Variants in FGF12 observed in about 807,000 individuals in gnomAD.
The protein encoded by FGF12 is fibroblast growth factor 12B.
In FGF12, 14 loss-of-function variants were observed where a neutral mutation model predicts 23.6. The observed-to-expected ratio is 0.59, with a 90% CI of 0.39 to 0.93. The LOEUF is 0.93. Ranked by LOEUF, FGF12 falls within the 40% of genes least tolerant of loss-of-function variation. The pLI is 0.00. For missense variants in FGF12, 175 were observed against 217.8 expected, an observed-to-expected ratio of 0.80 and a Z score of 1.24; for synonymous variants, 62 against 77.3, an observed-to-expected ratio of 0.80 and a Z score of 1.04.
At chr3:192,693,920 A>G (rs1431288288) in intron 2 of FGF12, among the ~76,000 whole-genome samples, 1 of 152,192 alleles carries the variant, frequency 6.6e-6, no homozygotes, top group Non-Finnish European at 1.5e-5. Flanking sequence ...ACATTAAACA[A>G]AAAAATTTCT....
chr3:192,651,785 C>T (rs1160298125), intron 2 of FGF12, among the ~76,000 whole-genome samples: 1 of 152,148 alleles, frequency 6.6e-6, no homozygotes, highest in Admixed American at 6.5e-5. Flanking sequence ...CTTTGAAACA[C>T]CGCTGAGAGT....
rs751150448 is a variant in FGF12 at position 192,158,346 on chromosome 3, CT to C, written c.427+12111del. Among the ~76,000 whole-genome samples, 33 of 93,400 alleles carry C rather than the reference CT, an allele frequency of 3.5e-4. 1 individual carries two copies. The highest frequency in any genetic ancestry group is 1.2e-3 in the East Asian group (4 of 3,374). 61.3% of individuals were successfully genotyped at this position (93,400 alleles called of 152,430 possible). ...TTTCTTTCTTTCTCTTTCTTTCTTT[CT>C]TTCTTTCTTTCTTTCTTTCTTTCTT... On this transcript the variant is annotated intron_variant, in intron 5 of 5. Transcript: ENST00000445105.
chr3:192,372,398 C>A (rs568130727), intron 2 of FGF12, among the ~76,000 whole-genome samples: 1 of 123,462 alleles, frequency 8.1e-6, no homozygotes, highest in African/African-American at 3.8e-5. Context: ...CCATCACACA[C>A]ACACACACAC....
chr3:192,618,979 C>T (rs1246948332), intron 2 of FGF12, among the ~76,000 whole-genome samples: 2 of 151,122 alleles, frequency 1.3e-5, no homozygotes, highest in Non-Finnish European at 2.9e-5. Context: ...TTAAAATAAG[C>T]CTATAAAAAA....
chr3:192,300,229 G>A (rs763835895), intron 4 of FGF12, among the ~76,000 whole-genome samples: 1 of 152,158 alleles, frequency 6.6e-6, no homozygotes, highest in Non-Finnish European at 1.5e-5. Context: ...TCCTCCCAGA[G>A]CTAGCCACCA....
intron 3 of FGF12, among the ~76,000 whole-genome samples, chr3:192,346,916 T>C (rs986322128): frequency 2.6e-5 from 4 of 152,126 alleles, no homozygotes; most frequent in Non-Finnish European, 5.9e-5. Flanking sequence ...TTAAAATCAA[T>C]ATCTTATTGT....
chr3:192,534,545 G>A (rs1333205595), intron 2 of FGF12, among the ~76,000 whole-genome samples: 1 of 152,046 alleles, frequency 6.6e-6, no homozygotes, highest in African/African-American at 2.4e-5. Flanking sequence ...ATAGGTGCAT[G>A]CCACCACACC....
intron 3 of FGF12, among the ~76,000 whole-genome samples, chr3:192,345,586 C>T (rs1717916908): frequency 1.1e-5 from 1 of 92,156 alleles, no homozygotes. Context: ...ACTCGGGAGG[C>T]TGAGGCAGGG....
intron 2 of FGF12, among the ~76,000 whole-genome samples, chr3:192,471,372 T>C (rs577631194): frequency 2.0e-5 from 3 of 152,342 alleles, no homozygotes; most frequent in African/African-American, 7.2e-5. Context: ...AAATTATTTG[T>C]AATCATAATA....
chr3:192,146,006 T>C (rs544914757), intron 5 of FGF12, among the ~76,000 whole-genome samples: 1 of 152,276 alleles, frequency 6.6e-6, no homozygotes, highest in African/African-American at 2.4e-5. Context: ...AACTGCTCAA[T>C]GCACAGGGGA....
At chr3:192,165,037 C>T (rs188731767) in intron 5 of FGF12, among the ~76,000 whole-genome samples, 176 of 151,998 alleles carry the variant, frequency 1.2e-3, no homozygotes, top group African/African-American at 4.1e-3. Flanking sequence ...TGGCAAACTC[C>T]GACTCCCTGG....
intron 2 of FGF12, among the ~76,000 whole-genome samples, chr3:192,656,040 CAAAAAAAA>C (rs11292484): frequency 4.7e-5 from 5 of 106,576 alleles, no homozygotes; most frequent in African/African-American, 1.1e-4. Flanking sequence ...GAGGTTCAGG[CAAAAAAAA>C]AAAAAAAAAA....
chr3:192,651,643 A>G (rs1201113825), intron 2 of FGF12, among the ~76,000 whole-genome samples: 1 of 152,222 alleles, frequency 6.6e-6, no homozygotes, highest in Admixed American at 6.5e-5. Context: ...TATTGAAACC[A>G]CTGTCACTTT....
Position 192,335,455 on chromosome 3 carries a change from T to C in FGF12, c.134A>G (p.Asn45Ser), listed in dbSNP as rs765777284. 5 of 1,611,240 alleles carry C rather than the reference T, an allele frequency of 3.1e-6. No individual in the cohort carries two copies. The highest frequency in any genetic ancestry group is 1.7e-4 in the Middle Eastern group (1 of 6,034). ...KDENSDYTLF[N>S]LIPVGLRVVA... ...TACACGCAGGCCCACGGGAATTAGA[T>C]TGAAGAGAGCTGGGGGGAGAAAAAG... is the stretch of plus-strand genomic sequence containing the variant. Residue 45 changes from asparagine (N) to serine (S), a missense_variant, in exon 4 of 6, where the codon AAT becomes AGT. Transcript: ENST00000445105.
intron 2 of FGF12, among the ~76,000 whole-genome samples, chr3:192,524,276 AT>A (rs1173618717): frequency 1.3e-5 from 2 of 152,242 alleles, no homozygotes; most frequent in Non-Finnish European, 2.9e-5. Flanking sequence ...TTCCCTGGAA[AT>A]TGAATTTTCT....
At chr3:192,614,695 A>G (rs149000168) in intron 2 of FGF12, among the ~76,000 whole-genome samples, 275 of 152,092 alleles carry the variant, frequency 1.8e-3, no homozygotes, top group Non-Finnish European at 3.6e-3. Context: ...GGTGTTATTT[A>G]GTATTCTTTA....
chr3:192,272,782 C>T (rs919767601), intron 4 of FGF12, among the ~76,000 whole-genome samples: 4 of 152,118 alleles, frequency 2.6e-5, no homozygotes, highest in Non-Finnish European at 5.9e-5. Flanking sequence ...TGATCATAGC[C>T]ATTGTAAAAA....
At chr3:192,259,535 C>G (rs1712610161) in intron 4 of FGF12, among the ~76,000 whole-genome samples, 1 of 152,096 alleles carries the variant, frequency 6.6e-6, no homozygotes, top group African/African-American at 2.4e-5. Flanking sequence ...CACTAAGTCT[C>G]TGACATGCCA....
Position 192,408,452 on chromosome 3 carries a change from T to G in FGF12, c.14-47914A>C. The G allele has an allele frequency of 4.4e-6, 6 of 1,352,012 alleles. No individual in the cohort carries two copies. Among genetic ancestry groups the G allele is most frequent in the African/African-American group, 1.5e-5 (1 of 66,372 alleles). The allele number at this position is 1,352,012 out of a possible 1,614,324, so 83.8% of individuals were successfully genotyped here. ...TCCAGATGTAAACTTCCCCAACCTC[T>G]GGCGGCCGGGGGGCGGGGCGGGGCG... On this transcript the variant is annotated intron_variant, in intron 2 of 5. Coordinates refer to ENST00000445105, the MANE Select transcript of FGF12 (RefSeq NM_004113.6). This position sits in a 1 kb window ranked among gnomAD's most constrained non-coding sequence, Gnocchi z 7.3.
Sources: gnomAD v4.1 joint callset for allele counts (sites outside exome capture counted in the v4.1 genomes callset) on GRCh38, gnomAD v4.1.1 for gene constraint, Gnocchi (gnomAD v3.1) non-coding constraint, MANE v1.5 for transcripts, NCBI Gene and HGNC (gene_info 2026-07-23, HGNC 2026-07-21) for gene names.